Variants in CLEC16A observed in about 807,000 individuals in gnomAD.
CLEC16A encodes protein CLEC16A.
In CLEC16A, 51 loss-of-function variants were observed where a neutral mutation model predicts 109.5. That is an observed-to-expected ratio of 0.47 (90% CI 0.37 to 0.59). The LOEUF (loss-of-function observed/expected upper bound fraction) is 0.59. CLEC16A is among the 20% of genes least tolerant of loss of function. The probability of loss-of-function intolerance (pLI) is 0.00; values close to 1 mark genes in which losing one functional copy is unlikely to be tolerated. For synonymous variants in CLEC16A, 673 were observed against 564.2 expected (o/e 1.19, Z -2.73); for missense variants, 1,339 against 1,394.0 (o/e 0.96, Z 0.63).
intron 8 of CLEC16A, among the ~76,000 whole-genome samples, chr16:10,979,006 G>A (rs931070118): frequency 6.6e-6 from 1 of 152,196 alleles, no homozygotes; most frequent in African/African-American, 2.4e-5. Flanking sequence ...GGCCTCTCCT[G>A]CCGGGGCGTC....
Position 11,051,621 on chromosome 16 carries a change from G to C in CLEC16A, c.1975G>C (p.Asp659His). ...CTTCGTGAAGCGGCTGCCGTGTGGCGATGTGGAGAAGACCCGGCGGGTGAG... is the reference window on the plus strand; with the variant it reads ...CTTCGTGAAGCGGCTGCCGTGTGGCCATGTGGAGAAGACCCGGCGGGTGAG... ...IDFVKRLPCGDVEKTRRAIRV... is the reference protein window; with the variant it reads ...IDFVKRLPCGHVEKTRRAIRV... The change falls in exon 18 of 24, where the codon GAT becomes CAT. Residue 659 changes from aspartate (D) to histidine (H), a missense_variant. This residue lies in a region of CLEC16A where 1,061 missense variants were observed against 1,006.8 expected (regional missense o/e 1.05). Coordinates refer to ENST00000409790, the MANE Select transcript of CLEC16A (RefSeq NM_015226.3). The C allele has an allele frequency of 6.2e-7, 1 of 1,614,026 alleles. No individual in the cohort carries two copies. The highest frequency in any genetic ancestry group is 8.5e-7 in the Non-Finnish European group (1 of 1,179,872).
intron 8 of CLEC16A, among the ~76,000 whole-genome samples, 180 bp from the exon 9 acceptor site, chr16:10,979,149 A>G (rs1258720004): frequency 6.6e-6 from 1 of 152,148 alleles, no homozygotes; most frequent in Non-Finnish European, 1.5e-5. Flanking sequence ...AACAGTATTG[A>G]GTGGGATTTT....
intron 19 of CLEC16A, among the ~76,000 whole-genome samples, chr16:11,105,923 CAG>C (rs2051193702): frequency 6.6e-6 from 1 of 152,186 alleles, no homozygotes; most frequent in Admixed American, 6.5e-5. Context: ...GAAGATTCTG[CAG>C]AGTTAAGAGA....
intron 19 of CLEC16A, among the ~76,000 whole-genome samples, chr16:11,115,708 C>G (rs936150759): frequency 6.6e-6 from 1 of 152,104 alleles, no homozygotes; most frequent in African/African-American, 2.4e-5. Context: ...CAAACCCTAC[C>G]TACCACAAAG....
chr16:11,026,890 A>G (rs2046435792), intron 13 of CLEC16A: 2 of 737,604 alleles, frequency 2.7e-6, no homozygotes, highest in East Asian at 2.5e-5. Context: ...ATGGCTCACT[A>G]TGGCTAAGTG....
chr16:11,049,807 A>C (rs917635216), intron 17 of CLEC16A, among the ~76,000 whole-genome samples: 4 of 152,240 alleles, frequency 2.6e-5, no homozygotes, highest in Non-Finnish European at 5.9e-5. Flanking sequence ...TGTAGGGGGC[A>C]GCAGGAGTAG....
chr16:10,985,215 A>AT lies in CLEC16A; in HGVS notation c.1071+2224_1071+2225insT, dbSNP rs1258689925. On this transcript the variant is annotated intron_variant, in intron 10 of 23. Coordinates refer to ENST00000409790, the MANE Select transcript of CLEC16A (RefSeq NM_015226.3). ...AAGACTCCATCTCAAAAAAAAAAAA[A>AT]AAAAAATATATATATATATATAGTG... 5.2e-3 allele frequency among the ~76,000 whole-genome samples: 708 copies of AT among 135,274 alleles called. 1 individual carries two copies. The highest frequency in any genetic ancestry group is 7.0e-3 in the Non-Finnish European group (453 of 64,532). 88.7% of individuals were successfully genotyped at this position (135,274 alleles called of 152,430 possible).
intron 20 of CLEC16A, 63 bp from the exon 21 acceptor site, chr16:11,123,679 A>G: frequency 6.6e-7 from 1 of 1,517,974 alleles, no homozygotes; most frequent in Non-Finnish European, 9.1e-7. Context: ...ATGATGCCAC[A>G]GCTCCTAGCC....
chr16:11,156,570 T>G (rs1019154215), intron 22 of CLEC16A: 3 of 1,303,724 alleles, frequency 2.3e-6, no homozygotes, highest in Non-Finnish European at 2.0e-6. Flanking sequence ...TGCTGCCGTT[T>G]CAGCCCTGCT....
intron 6 of CLEC16A, 91 bp downstream of exon 6, chr16:10,972,650 T>C: frequency 8.3e-7 from 1 of 1,205,490 alleles, no homozygotes; most frequent in Non-Finnish European, 1.2e-6. Context: ...CAGTGTAGTC[T>C]AGCTCAGTCT....
At chr16:11,101,724 G>C (rs1308718977) in intron 19 of CLEC16A, among the ~76,000 whole-genome samples, 3 of 152,170 alleles carry the variant, frequency 2.0e-5, no homozygotes, top group African/African-American at 7.2e-5. Context: ...TTTCTTGAAT[G>C]AATGGAGCTC....
At chr16:11,096,056 A>T (rs961615991) in intron 19 of CLEC16A, among the ~76,000 whole-genome samples, 3 of 152,060 alleles carry the variant, frequency 2.0e-5, no homozygotes, top group Non-Finnish European at 4.4e-5. Flanking sequence ...AACTAAGGCC[A>T]GATACCATGG....
chr16:10,975,575 G>C (rs1001145960), intron 7 of CLEC16A, among the ~76,000 whole-genome samples: 2 of 152,132 alleles, frequency 1.3e-5, no homozygotes, highest in African/African-American at 4.8e-5. Flanking sequence ...TCAGGCGCAC[G>C]GTGGGTTCAT....
chr16:11,019,275 T>A (rs2045951451), intron 11 of CLEC16A, among the ~76,000 whole-genome samples: 1 of 152,214 alleles, frequency 6.6e-6, no homozygotes, highest in Non-Finnish European at 1.5e-5. Context: ...CCATCTTTAA[T>A]TCAAGATGTT....
chr16:11,125,902 T>TGGGGGGGGGGGCG, intron 21 of CLEC16A, 77 bp from the exon 22 acceptor site: 1 of 349,750 alleles, frequency 2.9e-6, no homozygotes, highest in Non-Finnish European at 5.6e-6. Flanking sequence ...GCCACTACGA[T>TGGGGGGGGGGGCG]GTCCCCCCCC....
chr16:11,103,369 C>T (rs534427820), intron 19 of CLEC16A, among the ~76,000 whole-genome samples: 217 of 152,304 alleles, frequency 1.4e-3, no homozygotes, highest in African/African-American at 4.7e-3. Flanking sequence ...CACCTGAGAT[C>T]AGGGGTTTGA....
At position 11,130,510 on chromosome 16, in the gene CLEC16A, C is replaced by T. The variant is rs538755877; in HGVS notation, c.2641+4364C>T. On this transcript the variant is annotated intron_variant, in intron 22 of 23. Transcript: ENST00000409790. Reference sequence around the variant, plus strand: ...TGACAGATTTAGGTTGGTTGCATATCAACTGAATTTCACCACCCTCCTCCT... The same window carrying T: ...TGACAGATTTAGGTTGGTTGCATATTAACTGAATTTCACCACCCTCCTCCT... 7.9e-5 allele frequency among the ~76,000 whole-genome samples: 12 copies of T among 152,338 alleles called. No homozygotes were observed. In the South Asian group the frequency reaches 1.2e-3, roughly 16 times the overall value.
chr16:11,156,538 G>T (rs990416193), intron 22 of CLEC16A: 1 of 1,245,654 alleles, frequency 8.0e-7, no homozygotes, highest in Admixed American at 2.3e-5. Context: ...TCTCCTGGGT[G>T]CTGTCTAACC....
At chr16:10,976,544 G>C (rs550057081) in intron 7 of CLEC16A, among the ~76,000 whole-genome samples, 1 of 152,248 alleles carries the variant, frequency 6.6e-6, no homozygotes, top group South Asian at 2.1e-4. Context: ...TTAATTTGCT[G>C]TTGTCAAAAA....
Sources: allele counts gnomAD v4.1 joint callset (sites outside exome capture counted in the v4.1 genomes callset), GRCh38; gene constraint gnomAD v4.1.1; regional missense constraint gnomAD v4.1.1; transcripts MANE v1.5; gene names NCBI Gene and HGNC (gene_info 2026-07-23, HGNC 2026-07-21).